TENM2: variants seen among roughly 807,000 people sequenced by gnomAD.
TENM2 encodes teneurin transmembrane protein 2, also known as teneurin-2.
TENM2 carries 52 observed loss-of-function variants against 245.2 expected under a neutral mutation model. The ratio of observed to expected loss-of-function variants is 0.21; its 90% CI spans 0.17 to 0.27. TENM2 has a LOEUF of 0.27. Ranked by LOEUF, TENM2 falls within the 10% of genes least tolerant of loss-of-function variation. The pLI, the probability that TENM2 is intolerant of heterozygous loss-of-function variation, is 1.00. For missense variants in TENM2, 3,046 were observed against 3,666.8 expected (o/e 0.83, Z 4.37); for synonymous variants, 1,363 against 1,438.9 (o/e 0.95, Z 1.19).
chr5:167,480,030 C>A (rs1458717811), intron 2 of TENM2, among the ~76,000 whole-genome samples: 1 of 152,200 alleles, frequency 6.6e-6, no homozygotes, highest in Non-Finnish European at 1.5e-5. Flanking sequence ...TTTGCAACCA[C>A]ACTTCAAGGA....
intron 2 of TENM2, among the ~76,000 whole-genome samples, chr5:167,564,733 G>A (rs915893056): frequency 6.6e-6 from 1 of 152,142 alleles, no homozygotes; most frequent in Non-Finnish European, 1.5e-5. Flanking sequence ...TGAAATATTT[G>A]AGCGTTTCCC....
chr5:168,053,478 G>T (rs1789282728), intron 6 of TENM2, among the ~76,000 whole-genome samples: 1 of 152,020 alleles, frequency 6.6e-6, no homozygotes, highest in Admixed American at 6.6e-5. Flanking sequence ...TGTACCTGTG[G>T]TATACCTCTG....
chr5:167,428,738 T>C (rs1764032089), intron 2 of TENM2, among the ~76,000 whole-genome samples: 1 of 152,194 alleles, frequency 6.6e-6, no homozygotes, highest in Non-Finnish European at 1.5e-5. Context: ...GAGCATTTTC[T>C]GTATCCCAGG....
chr5:167,328,204 GTTTTTTT>G (rs70976412), intron 1 of TENM2, among the ~76,000 whole-genome samples: 21 of 91,026 alleles, frequency 2.3e-4, no homozygotes, highest in African/African-American at 9.7e-4. Context: ...TTCTCATATC[GTTTTTTT>G]TTTTTTTTTT....
chr5:168,082,452 C>T (rs1004693607), intron 7 of TENM2, among the ~76,000 whole-genome samples: 11 of 152,218 alleles, frequency 7.2e-5, no homozygotes, highest in African/African-American at 2.4e-4. Context: ...CAAAGCCATT[C>T]TCCGTCCAGC....
chr5:167,034,823 G>T, the TENM2 span, among the ~76,000 whole-genome samples: 1 of 152,140 alleles, frequency 6.6e-6, no homozygotes, highest in South Asian at 2.1e-4. Flanking sequence ...CCTAGTCCCA[G>T]AAATTCTCAG....
At chr5:167,019,003 A>G in the TENM2 span, among the ~76,000 whole-genome samples, 13 of 152,180 alleles carry the variant, frequency 8.5e-5, no homozygotes, top group Non-Finnish European at 1.8e-4. Flanking sequence ...AATCTTGCCT[A>G]AATTAGATTC....
At chr5:167,751,051 T>C (rs1761929426) in intron 2 of TENM2, among the ~76,000 whole-genome samples, 1 of 151,968 alleles carries the variant, frequency 6.6e-6, no homozygotes, top group Non-Finnish European at 1.5e-5. Flanking sequence ...GAGAGGAGTG[T>C]ATGTGAACTG....
intron 2 of TENM2, among the ~76,000 whole-genome samples, chr5:167,548,783 C>T (rs182817349): frequency 6.6e-6 from 1 of 152,262 alleles, no homozygotes; most frequent in East Asian, 1.9e-4. Context: ...TGCACAGACA[C>T]ACAGAGCTCT....
chr5:167,035,204 C>A, the TENM2 span, among the ~76,000 whole-genome samples: 2 of 151,906 alleles, frequency 1.3e-5, no homozygotes, highest in Non-Finnish European at 2.9e-5. Flanking sequence ...CATTAGGTTG[C>A]ACACATTAAT....
intron 12 of TENM2, chr5:168,129,019 G>C (rs555307119): frequency 2.6e-5 from 4 of 151,904 alleles, no homozygotes; most frequent in African/African-American, 9.7e-5. Context: ...GGATAGAGGG[G>C]AGAAAAGCAA....
At chr5:167,742,698 G>C (rs79915408) in intron 2 of TENM2, among the ~76,000 whole-genome samples, 2,114 of 151,892 alleles carry the variant, frequency 0.014, 36 homozygotes, top group East Asian at 0.079. Context: ...AATATAAGAT[G>C]CCTAAGCTTT....
At chr5:168,142,294 G>A (rs993533882) in intron 12 of TENM2, among the ~76,000 whole-genome samples, 6 of 152,174 alleles carry the variant, frequency 3.9e-5, no homozygotes, top group Admixed American at 6.5e-5. Context: ...AAGTGTAGCC[G>A]GCTGGACCAA....
the TENM2 span, among the ~76,000 whole-genome samples, chr5:167,207,617 T>C: frequency 6.6e-6 from 1 of 152,240 alleles, no homozygotes; most frequent in South Asian, 2.1e-4. Flanking sequence ...GAGTCCTCTC[T>C]GTTCCAGGCA....
chr5:167,620,852 A>G (rs1778120370), intron 2 of TENM2, among the ~76,000 whole-genome samples: 1 of 152,076 alleles, frequency 6.6e-6, no homozygotes, highest in African/African-American at 2.4e-5. Context: ...CCCCTAAATA[A>G]CAAACCCAGT....
chr5:167,821,751 A>G (rs932292745), intron 2 of TENM2, among the ~76,000 whole-genome samples: 1 of 152,160 alleles, frequency 6.6e-6, no homozygotes, highest in Non-Finnish European at 1.5e-5. Context: ...GAACTCTACA[A>G]GTCCCTTTTG....
chr5:167,692,753 G>C (rs1357852912), intron 2 of TENM2, among the ~76,000 whole-genome samples: 3 of 152,208 alleles, frequency 2.0e-5, no homozygotes, highest in Non-Finnish European at 4.4e-5. Flanking sequence ...AGATCGATTA[G>C]ATTAACAATT....
intron 2 of TENM2, among the ~76,000 whole-genome samples, chr5:167,642,140 C>CAA (rs34089047): frequency 0.012 from 1,570 of 129,992 alleles, 16 homozygotes; most frequent in Middle Eastern, 0.055. Context: ...GACGCTGTCT[C>CAA]AAAAAAAAAA....
At chr5:167,800,399 A>G (rs962589043) in intron 2 of TENM2, among the ~76,000 whole-genome samples, 1 of 152,206 alleles carries the variant, frequency 6.6e-6, no homozygotes, top group East Asian at 1.9e-4. Context: ...GGAACACCCA[A>G]GACCAGATGT....
Sources: allele counts gnomAD v4.1 joint callset (sites outside exome capture counted in the v4.1 genomes callset), GRCh38; gene constraint gnomAD v4.1.1; transcripts MANE v1.5; gene names NCBI Gene and HGNC (gene_info 2026-07-23, HGNC 2026-07-21).